Variants in VEPH1 observed in about 807,000 individuals in gnomAD.
VEPH1 encodes ventricular zone-expressed PH domain-containing protein homolog 1.
In VEPH1, 80 loss-of-function variants were observed where a neutral mutation model predicts 85.2. That is an observed-to-expected ratio of 0.94 (90% confidence interval 0.78 to 1.13). The LOEUF is 1.13. Ranked by LOEUF, VEPH1 falls within the 50% of genes most tolerant of loss-of-function variation. The probability of loss-of-function intolerance (pLI) is 0.00; values close to 1 mark genes in which losing one functional copy is unlikely to be tolerated. For synonymous variants in VEPH1, 297 were observed against 348.0 expected (o/e 0.85, Z 1.63); for missense variants, 955 against 980.5 (o/e 0.97, Z 0.35).
At chr3:157,369,180 G>GAAAAACAAAAAAAAAAAAAAAAAAA (rs1727120022) in intron 7 of VEPH1, among the ~76,000 whole-genome samples, 1 of 42,780 alleles carries the variant, frequency 2.3e-5, no homozygotes, top group Non-Finnish European at 4.0e-5. Flanking sequence ...AAAACCAAAT[G>GAAAAACAAAAAAAAAAAAAAAAAAA]AAAAAAAAAA....
At position 157,291,410 on chromosome 3, in the gene VEPH1, A is replaced by G. The variant is rs965110150; in HGVS notation, c.2011-4736T>C. On this transcript the variant is annotated intron_variant, in intron 11 of 13. Transcript: ENST00000362010. ...AATGCTGTTTGTTGAATAAATAAACAGCAAAAGAGACTTTAAAGAATATCC... is the reference window on the plus strand; with the variant it reads ...AATGCTGTTTGTTGAATAAATAAACGGCAAAAGAGACTTTAAAGAATATCC... Among the ~76,000 whole-genome samples, 9 of 152,392 alleles carry G rather than the reference A, an allele frequency of 5.9e-5. No homozygotes were observed. The Middle Eastern group carries it at 0.01, about 173-fold the overall frequency.
At chr3:157,411,926 G>C (rs1253586655) in intron 6 of VEPH1, among the ~76,000 whole-genome samples, 2 of 152,154 alleles carry the variant, frequency 1.3e-5, no homozygotes, top group African/African-American at 4.8e-5. Context: ...ATGTTGATTT[G>C]TAATCCTCAA....
At chr3:157,320,154 C>A (rs1721204290) in intron 9 of VEPH1, among the ~76,000 whole-genome samples, 1 of 152,012 alleles carries the variant, frequency 6.6e-6, no homozygotes, top group Non-Finnish European at 1.5e-5. Context: ...GTGTTGAGAG[C>A]AATAGGGGCC....
At position 157,317,094 on chromosome 3, in the gene VEPH1, G is replaced by C. The variant is rs369392385; in HGVS notation, c.1843C>G (p.Pro615Ala). The change falls in exon 10 of 14, where the codon CCA (proline) becomes GCA (alanine). Residue 615 changes from proline (P) to alanine (A), a missense_variant. Transcript: ENST00000362010. ...SFILISQEPQ[P>A]WIQIMFLFQQ... ...AATAGAAACATGATCTGGATCCATG[G>C]CTGAGGTTCTTGGCTGATGAGAATA... The C allele has an allele frequency of 2.0e-5, 33 of 1,613,306 alleles. No individual in the cohort carries two copies. The highest frequency in any genetic ancestry group is 2.8e-5 in the Non-Finnish European group (33 of 1,179,648).
chr3:157,481,220 C>T lies in VEPH1; in HGVS notation c.139-10691G>A, dbSNP rs1301871507. Reference sequence around the variant, plus strand: ...AGAACTTTGTCAGATGCATAGTTCACGAATATTTTCTCCCATTCTCTAGGT... The same window carrying T: ...AGAACTTTGTCAGATGCATAGTTCATGAATATTTTCTCCCATTCTCTAGGT... On this transcript the variant is annotated intron_variant, in intron 2 of 13. Transcript: ENST00000362010. 9.9e-5 allele frequency among the ~76,000 whole-genome samples: 15 copies of T among 151,898 alleles called. No individual in the cohort carries two copies. In the Middle Eastern group the frequency reaches 0.01, roughly 103 times the overall value.
chr3:157,455,841 G>T (rs1735331340), intron 4 of VEPH1, among the ~76,000 whole-genome samples: 1 of 152,164 alleles, frequency 6.6e-6, no homozygotes, highest in Admixed American at 6.5e-5. Flanking sequence ...GGGCGTTTAG[G>T]TTGATTCCAA....
At chr3:157,483,167 T>C (rs1448332091) in intron 2 of VEPH1, among the ~76,000 whole-genome samples, 1 of 144,920 alleles carries the variant, frequency 6.9e-6, no homozygotes, top group Non-Finnish European at 1.5e-5. Context: ...GTGTATATAA[T>C]GATACATTAT....
At chr3:157,453,394 T>C (rs1477240366) in intron 4 of VEPH1, among the ~76,000 whole-genome samples, 1 of 152,162 alleles carries the variant, frequency 6.6e-6, no homozygotes, top group East Asian at 1.9e-4. Flanking sequence ...AATGGGATAA[T>C]AATAGGACTT....
intron 12 of VEPH1, among the ~76,000 whole-genome samples, chr3:157,274,955 G>A (rs1715194753): frequency 6.6e-6 from 1 of 152,138 alleles, no homozygotes; most frequent in Admixed American, 6.5e-5. Context: ...AGAATTTCCT[G>A]TTATCTGTGG....
chr3:157,430,611 T>A (rs1733068736), intron 4 of VEPH1, among the ~76,000 whole-genome samples: 1 of 152,232 alleles, frequency 6.6e-6, no homozygotes, highest in Non-Finnish European at 1.5e-5. Flanking sequence ...CACCTGGGCA[T>A]ATCTTTAAAA....
At position 157,502,283 on chromosome 3, in the gene VEPH1, A is replaced by C. The variant is rs560950455; in HGVS notation, c.-158+994T>G. ...ACCTATTTAGTCAAGAGCCCAAAAAACTACTTAATTTTGATTACCTATTTC... is the reference window on the plus strand; with the variant it reads ...ACCTATTTAGTCAAGAGCCCAAAAACCTACTTAATTTTGATTACCTATTTC... On this transcript the variant is annotated intron_variant, in intron 1 of 13. Coordinates refer to ENST00000362010, the MANE Select transcript of VEPH1 (RefSeq NM_001167912.2). Among the ~76,000 whole-genome samples, 6 of 152,368 alleles carry C rather than the reference A, an allele frequency of 3.9e-5. No individual in the cohort carries two copies. The East Asian group carries it at 1.2e-3, about 29-fold the overall frequency.
At position 157,460,908 on chromosome 3, in the gene VEPH1, G is replaced by A. The variant is rs543834460; in HGVS notation, c.355-553C>T. Reference sequence around the variant, plus strand: ...ACAGGGGCATGATTATGAAAGGTCCGGCATACAAGGCTAAGAAGTTTGGCA... The same window carrying A: ...ACAGGGGCATGATTATGAAAGGTCCAGCATACAAGGCTAAGAAGTTTGGCA... On this transcript the variant is annotated intron_variant, in intron 3 of 13. Coordinates refer to ENST00000362010, the MANE Select transcript of VEPH1 (RefSeq NM_001167912.2). Among the ~76,000 whole-genome samples the A allele has an allele frequency of 1.2e-4, 19 of 152,148 alleles. No individual in the cohort carries two copies. In the East Asian group the frequency reaches 2.9e-3, roughly 23 times the overall value.
At chr3:157,387,625 A>G (rs1360933721) in intron 6 of VEPH1, among the ~76,000 whole-genome samples, 1 of 152,208 alleles carries the variant, frequency 6.6e-6, no homozygotes, top group Non-Finnish European at 1.5e-5. Context: ...AGACGTCACC[A>G]GCTGATGATA....
At chr3:157,502,685 T>C (rs1250259419) in intron 1 of VEPH1, among the ~76,000 whole-genome samples, 2 of 152,220 alleles carry the variant, frequency 1.3e-5, no homozygotes, top group Admixed American at 1.3e-4. Context: ...AATATATAAA[T>C]GTCATTTAAT....
intron 5 of VEPH1, among the ~76,000 whole-genome samples, chr3:157,426,324 T>G (rs547663912): frequency 6.6e-6 from 1 of 152,274 alleles, no homozygotes; most frequent in African/African-American, 2.4e-5. Context: ...CTGTTGGATG[T>G]TGGTGGCAGT....
intron 4 of VEPH1, among the ~76,000 whole-genome samples, chr3:157,446,689 ACTC>A (rs1734579863): frequency 6.6e-6 from 1 of 152,184 alleles, no homozygotes. Flanking sequence ...TAAGAAATGC[ACTC>A]CTAAGGTTAA....
chr3:157,464,012 G>A (rs1736134758), intron 3 of VEPH1, among the ~76,000 whole-genome samples: 1 of 152,182 alleles, frequency 6.6e-6, no homozygotes, highest in Non-Finnish European at 1.5e-5. Context: ...GGACAAACAT[G>A]CCAAAATAAT....
chr3:157,462,834 G>A (rs1250314515), intron 3 of VEPH1, among the ~76,000 whole-genome samples: 1 of 152,170 alleles, frequency 6.6e-6, no homozygotes, highest in East Asian at 1.9e-4. Context: ...AGGTGATCAA[G>A]TGACTCAGAC....
intron 9 of VEPH1, among the ~76,000 whole-genome samples, chr3:157,352,419 TTAGAA>T (rs1724964805): frequency 6.6e-6 from 1 of 152,190 alleles, no homozygotes; most frequent in Admixed American, 6.5e-5. Flanking sequence ...AACAAAACTG[TTAGAA>T]TAGAAACAGT....
Sources: gnomAD v4.1 joint callset for allele counts (sites outside exome capture counted in the v4.1 genomes callset) on GRCh38, gnomAD v4.1.1 for gene constraint, MANE v1.5 for transcripts, NCBI Gene and HGNC (gene_info 2026-07-23, HGNC 2026-07-21) for gene names.